The following NKAIN2 variants were observed in gnomAD, a reference collection of about 807,000 sequenced individuals.
The protein encoded by NKAIN2 is sodium/potassium transporting ATPase interacting 2, also known as sodium/potassium-transporting ATPase subunit beta-1-interacting protein 2.
NKAIN2 carries 14 observed loss-of-function variants against 32.6 expected under a neutral mutation model. That is an observed-to-expected ratio of 0.43 (90% CI 0.28 to 0.67). The LOEUF (loss-of-function observed/expected upper bound fraction) is 0.67, where lower values mean the gene tolerates loss of function less well. Ranked by LOEUF, NKAIN2 falls within the 30% of genes least tolerant of loss-of-function variation. NKAIN2 has a pLI of 0.17. For missense variants in NKAIN2, 198 were observed against 258.3 expected (o/e 0.77, Z 1.60); for synonymous variants, 80 against 87.2 (o/e 0.92, Z 0.46).
intron 1 of NKAIN2, among the ~76,000 whole-genome samples, chr6:124,135,611 A>C (rs993672540): frequency 2.0e-5 from 3 of 151,870 alleles, no homozygotes; most frequent in Non-Finnish European, 4.4e-5. Context: ...TGCACCTAAT[A>C]CTGGAGTTCC....
At position 123,919,123 on chromosome 6, in the gene NKAIN2, A is replaced by T. The variant is rs570706197; in HGVS notation, c.54+114869A>T. Among the ~76,000 whole-genome samples, 14 of 152,222 alleles carry T rather than the reference A, an allele frequency of 9.2e-5. No homozygotes were observed. In the South Asian group the frequency reaches 2.9e-3, roughly 32 times the overall value. On this transcript the variant is annotated intron_variant, in intron 1 of 6. Transcript: ENST00000368417. Reference sequence around the variant, plus strand: ...ATGTGCAAATGAATTGGCTTTAGGGAATTTGTAATAAACAATATTGTATGT... The same window carrying T: ...ATGTGCAAATGAATTGGCTTTAGGGTATTTGTAATAAACAATATTGTATGT...
chr6:124,229,533 T>TAGACAGACAGACAGACAGACAGACAGAC (rs71021483), intron 1 of NKAIN2, among the ~76,000 whole-genome samples: 2 of 149,066 alleles, frequency 1.3e-5, no homozygotes, highest in African/African-American at 5.0e-5. Flanking sequence ...GATAGATAGA[T>TAGACAGACAGACAGACAGACAGACAGAC]AGACAGACAG....
At chr6:124,428,746 G>A (rs545386926) in intron 3 of NKAIN2, among the ~76,000 whole-genome samples, 7 of 152,216 alleles carry the variant, frequency 4.6e-5, no homozygotes, top group African/African-American at 1.7e-4. Context: ...TTAAATACAG[G>A]ATTTTGTAAC....
chr6:124,558,718 C>T (rs929883160), intron 3 of NKAIN2, among the ~76,000 whole-genome samples: 2 of 152,080 alleles, frequency 1.3e-5, no homozygotes, highest in Admixed American at 1.3e-4. Flanking sequence ...GAGGCCAAGG[C>T]GGGTGGATCA....
At chr6:124,794,590 C>T (rs751374841) in intron 5 of NKAIN2, among the ~76,000 whole-genome samples, 2 of 152,164 alleles carry the variant, frequency 1.3e-5, no homozygotes, top group Admixed American at 6.5e-5. Context: ...TTGCTCAGTG[C>T]GCAAAATATG....
intron 1 of NKAIN2, among the ~76,000 whole-genome samples, chr6:123,879,275 C>T (rs1215192803): frequency 6.6e-6 from 1 of 152,072 alleles, no homozygotes; most frequent in African/African-American, 2.4e-5. Flanking sequence ...ATGTCTGCTG[C>T]TCAGATGTGT....
chr6:124,709,678 T>C (rs1388408685), intron 4 of NKAIN2, among the ~76,000 whole-genome samples: 1 of 151,294 alleles, frequency 6.6e-6, no homozygotes, highest in African/African-American at 2.4e-5. Flanking sequence ...GTGGGATCGG[T>C]GGTGATATCC....
intron 3 of NKAIN2, among the ~76,000 whole-genome samples, chr6:124,410,852 C>T (rs28797319): frequency 0.012 from 1,815 of 151,822 alleles, 28 homozygotes; most frequent in African/African-American, 0.042. Context: ...TCACTCGGGG[C>T]TTGCTTTATG....
intron 3 of NKAIN2, among the ~76,000 whole-genome samples, chr6:124,564,230 G>T (rs1179126330): frequency 6.6e-6 from 1 of 151,860 alleles, no homozygotes; most frequent in Non-Finnish European, 1.5e-5. Flanking sequence ...GATTGTAAAT[G>T]CACCAATCAG....
chr6:124,717,696 T>G (rs1775818225), intron 4 of NKAIN2, among the ~76,000 whole-genome samples: 1 of 152,116 alleles, frequency 6.6e-6, no homozygotes, highest in African/African-American at 2.4e-5. Context: ...TAACACTAGT[T>G]CAGCCATTGT....
chr6:124,733,580 T>C (rs755159789), intron 4 of NKAIN2, among the ~76,000 whole-genome samples: 3 of 151,956 alleles, frequency 2.0e-5, no homozygotes, highest in South Asian at 2.1e-4. Flanking sequence ...TGTACTGGAA[T>C]TGAACAATTA....
intron 1 of NKAIN2, among the ~76,000 whole-genome samples, chr6:124,051,285 C>T (rs562295436): frequency 3.9e-4 from 60 of 151,934 alleles, no homozygotes; most frequent in African/African-American, 1.4e-3. Context: ...AGAAAGGGAA[C>T]GAAGCATTGT....
chr6:124,444,012 C>A (rs946954899), intron 3 of NKAIN2, among the ~76,000 whole-genome samples: 8 of 151,884 alleles, frequency 5.3e-5, no homozygotes, highest in African/African-American at 1.9e-4. Context: ...GTTTTATAAT[C>A]ATTTGCATGA....
At chr6:124,229,509 T>C (rs555646337) in intron 1 of NKAIN2, among the ~76,000 whole-genome samples, 3 of 147,606 alleles carry the variant, frequency 2.0e-5, no homozygotes, top group African/African-American at 7.8e-5. Context: ...GACAGATAGA[T>C]AGATAGATAG....
At chr6:124,197,101 T>A (rs2114610998) in intron 1 of NKAIN2, among the ~76,000 whole-genome samples, 1 of 151,684 alleles carries the variant, frequency 6.6e-6, no homozygotes, top group East Asian at 1.9e-4. Flanking sequence ...TTATATAGTT[T>A]TTCTTTAAAT....
At chr6:123,932,663 C>T (rs9491005) in intron 1 of NKAIN2, among the ~76,000 whole-genome samples, 3,603 of 151,958 alleles carry the variant, frequency 0.024, 124 homozygotes, top group African/African-American at 0.08. Flanking sequence ...GTGATCTGCC[C>T]GCCTCGGCCT....
At chr6:124,286,212 T>C (rs1375056883) in intron 2 of NKAIN2, among the ~76,000 whole-genome samples, 1 of 152,134 alleles carries the variant, frequency 6.6e-6, no homozygotes, top group Non-Finnish European at 1.5e-5. Flanking sequence ...TCAAACAATT[T>C]AAAAATTAAC....
intron 1 of NKAIN2, among the ~76,000 whole-genome samples, chr6:123,883,831 C>T (rs1773581917): frequency 7.6e-6 from 1 of 132,160 alleles, no homozygotes; most frequent in Non-Finnish European, 1.5e-5. Flanking sequence ...GGAGGCAGAG[C>T]TTGCAGTGAA....
At chr6:124,219,496 T>C (rs1004571162) in intron 1 of NKAIN2, among the ~76,000 whole-genome samples, 7 of 151,984 alleles carry the variant, frequency 4.6e-5, no homozygotes, top group African/African-American at 1.7e-4. Flanking sequence ...CAGGGTGTTC[T>C]CAAACTCCTG....
Sources: gnomAD v4.1 joint callset for allele counts (sites outside exome capture counted in the v4.1 genomes callset) on GRCh38, gnomAD v4.1.1 for gene constraint, MANE v1.5 for transcripts, NCBI Gene and HGNC (gene_info 2026-07-23, HGNC 2026-07-21) for gene names.